Variants in PPP1R10 observed in about 807,000 individuals in gnomAD.
The protein encoded by PPP1R10 is serine/threonine-protein phosphatase 1 regulatory subunit 10.
A neutral mutation model predicts 99.0 loss-of-function variants in PPP1R10; 15 were observed. The observed-to-expected ratio is 0.15, with a 90% CI of 0.10 to 0.23. The LOEUF is 0.23. Ranked by LOEUF, PPP1R10 falls within the 10% of genes least tolerant of loss-of-function variation. PPP1R10 has a pLI of 1.00. For missense variants in PPP1R10, 947 were observed against 1,259.4 expected, an observed-to-expected ratio of 0.75 and a Z score of 3.75; for synonymous variants, 430 against 449.5, an observed-to-expected ratio of 0.96 and a Z score of 0.55.
chr6:30,605,083 G>C lies in PPP1R10; in HGVS notation c.865C>G (p.Leu289Val). Residue 289 changes from leucine (L) to valine (V), a missense_variant, in exon 11 of 20, where the codon CTG (leucine) becomes GTG (valine). Transcript: ENST00000376511. ...GAATTAAGAGCATCCAGAAAGCCCA[G>C]GCCCTCCATAGCTACAAAAAGAAAG... is the stretch of plus-strand genomic sequence containing the variant. ...KIIPPQPMEG[L>V]GFLDALNSAP... The C allele has an allele frequency of 1.2e-6, 2 of 1,612,838 alleles. No individual in the cohort carries two copies. The highest frequency in any genetic ancestry group is 1.7e-6 in the Non-Finnish European group (2 of 1,179,962).
At chr6:30,616,021 A>T (rs1391643311) in intron 2 of PPP1R10, among the ~76,000 whole-genome samples, 2 of 152,218 alleles carry the variant, frequency 1.3e-5, no homozygotes, top group East Asian at 3.8e-4. Flanking sequence ...TAATCTGGCA[A>T]ATTGAAAGGC....
Position 30,603,260 on chromosome 6 carries a change from T to C in PPP1R10, c.1793A>G (p.Glu598Gly). Reference sequence around the variant, plus strand: ...ATAGTCTGGTTGTTTCAGTAGTTCCTCTGAAGGATGACTGTTTGGGCTACC... The same window carrying C: ...ATAGTCTGGTTGTTTCAGTAGTTCCCCTGAAGGATGACTGTTTGGGCTACC... Reference protein sequence around the residue: ...IMGSPNSHPSEELLKQPDYSD... With the variant: ...IMGSPNSHPSGELLKQPDYSD... Residue 598 changes from glutamate to glycine, a missense_variant, in exon 17 of 20, where the codon GAG becomes GGG. By Grantham distance (98) the Glu-to-Gly change is moderately conservative. Transcript: ENST00000376511. The C allele has an allele frequency of 6.2e-7, 1 of 1,613,676 alleles. No homozygotes were observed. The highest frequency in any genetic ancestry group is 8.5e-7 in the Non-Finnish European group (1 of 1,179,636).
chr6:30,603,663 A>C lies in PPP1R10; in HGVS notation c.1576T>G (p.Cys526Gly). The change falls in exon 16 of 20, where the codon TGT (cysteine) becomes GGT (glycine). Residue 526 changes from cysteine (C) to glycine (G), a missense_variant. Transcript: ENST00000376511. ...PPKLIPLDEE[C>G]SMDETPYVET... ...ACATACGGAGTCTCATCCATGGAAC[A>C]CTCCTGAAAGAAGAACAAAAAAAAT... 3 of 1,585,748 alleles carry C rather than the reference A, an allele frequency of 1.9e-6. No individual in the cohort carries two copies. Among genetic ancestry groups the C allele is most frequent in the East Asian group, 2.2e-5 (1 of 44,542 alleles).
At chr6:30,616,118 A>G (rs1177708484) in intron 2 of PPP1R10, among the ~76,000 whole-genome samples, 1 of 152,178 alleles carries the variant, frequency 6.6e-6, no homozygotes, top group Non-Finnish European at 1.5e-5. Context: ...AACCCTTTTG[A>G]AGACTGCTGC....
At chr6:30,607,016 CT>C (rs1804022439) in intron 6 of PPP1R10, among the ~76,000 whole-genome samples, 160 bp from the exon 7 acceptor site, 1 of 152,224 alleles carries the variant, frequency 6.6e-6, no homozygotes, top group African/African-American at 2.4e-5. Flanking sequence ...AAACCAAACC[CT>C]TAAAAAATGG....
chr6:30,616,250 C>T (rs978938516), intron 2 of PPP1R10, among the ~76,000 whole-genome samples: 1 of 152,224 alleles, frequency 6.6e-6, no homozygotes, highest in African/African-American at 2.4e-5. Flanking sequence ...TCCCTCCACC[C>T]TCTCTTTGCC....
Position 30,604,408 on chromosome 6 carries a change from A to G in PPP1R10, c.1206T>C (p.Pro402=). The change falls in exon 13 of 20, where the codon CCT becomes CCC. Residue 402 remains proline, a synonymous_variant. Coordinates refer to ENST00000376511, the MANE Select transcript of PPP1R10 (RefSeq NM_002714.4). The surrounding 1 kb of genome is among the most constrained non-coding windows in gnomAD (Gnocchi z 7.3). The part of the protein sequence containing the change: ...KGRKRKSVTW[P]EEGKLREYFY... ...AATATTCTCTCAGTTTGCCTTCCTC[A>G]GGCCATGTCACACTTTTCCTCTTCC... is the stretch of plus-strand genomic sequence containing the variant. The G allele has an allele frequency of 6.2e-7, 1 of 1,613,828 alleles. No individual in the cohort carries two copies. The highest frequency in any genetic ancestry group is 8.5e-7 in the Non-Finnish European group (1 of 1,180,026).
intron 6 of PPP1R10, 93 bp downstream of exon 6, chr6:30,607,747 T>C (rs1241411037): frequency 7.2e-6 from 10 of 1,388,672 alleles, no homozygotes; most frequent in Non-Finnish European, 1.0e-5. Context: ...AAGAGAAAAG[T>C]GAAGGGACAA....
chr6:30,601,121 C>A lies in PPP1R10; in HGVS notation c.*428G>T. Reference sequence around the variant, plus strand: ...ACCCCATGAGGAATAATGAACTTAGCTGGGATGATTTCTTAAGTGCAGCTG... The same window carrying A: ...ACCCCATGAGGAATAATGAACTTAGATGGGATGATTTCTTAAGTGCAGCTG... On this transcript the variant is annotated 3_prime_UTR_variant, in exon 20 of 20. Coordinates refer to ENST00000376511, the MANE Select transcript of PPP1R10 (RefSeq NM_002714.4). 5.6e-6 allele frequency: 1 copy of A among 180,176 alleles called. No homozygotes were observed. Among genetic ancestry groups the A allele is most frequent in the Non-Finnish European group, 1.2e-5 (1 of 84,440 alleles). The allele number at this position is 180,176 out of a possible 1,614,324, so 11.2% of individuals were successfully genotyped here.
intron 2 of PPP1R10, among the ~76,000 whole-genome samples, chr6:30,613,833 C>T (rs1804799469): frequency 6.6e-6 from 1 of 152,132 alleles, no homozygotes; most frequent in Non-Finnish European, 1.5e-5. Context: ...GGAAGATATG[C>T]TGCAGAGGCA....
chr6:30,612,690 G>A (rs796895282), intron 2 of PPP1R10, among the ~76,000 whole-genome samples: 2 of 152,180 alleles, frequency 1.3e-5, no homozygotes, highest in African/African-American at 4.8e-5. Context: ...TTAAAATTAA[G>A]GACCCCAAGT....
In PPP1R10 at chr6:30,616,610, CTT is replaced by C. The variant is rs1760584294; in HGVS notation, c.-146_-145del. On this transcript the variant is annotated 5_prime_UTR_variant, in exon 2 of 20. Transcript: ENST00000376511. ...AGGGGGCCTCATTGGATCAAAAAGT[CTT>C]TTAAAAAATAAAGGCCAACTCAGTA... 6.6e-6 allele frequency: 1 copy of C among 152,080 alleles called. No homozygotes were observed. The highest frequency in any genetic ancestry group is 1.5e-5 in the Non-Finnish European group (1 of 68,020). The allele number at this position is 152,080 out of a possible 1,614,324, so 9.4% of individuals were successfully genotyped here.
At chr6:30,615,286 C>G (rs931000125) in intron 2 of PPP1R10, among the ~76,000 whole-genome samples, 4 of 149,082 alleles carry the variant, frequency 2.7e-5, no homozygotes, top group Non-Finnish European at 4.4e-5. Flanking sequence ...AATCTTTGAC[C>G]TATTTTGATC....
At position 30,604,683 on chromosome 6, in the gene PPP1R10, G is replaced by C; in HGVS notation, c.1007C>G (p.Ser336Cys). 6.2e-7 allele frequency: 1 copy of C among 1,613,152 alleles called. No individual in the cohort carries two copies. Among genetic ancestry groups the C allele is most frequent in the Non-Finnish European group, 8.5e-7 (1 of 1,180,038 alleles). The change falls in exon 12 of 20, where the codon TCT becomes TGT. Residue 336 changes from serine to cysteine, a missense_variant. Physicochemically the swap from Ser to Cys is moderately radical, Grantham distance 112 (BLOSUM62 -1). Coordinates refer to ENST00000376511, the MANE Select transcript of PPP1R10 (RefSeq NM_002714.4). This position sits in a 1 kb window ranked among gnomAD's most constrained non-coding sequence, Gnocchi z 7.3. ...TSTEPSTAKP[S>C]SPEPAPPSEA... is the part of the protein sequence containing the mutation. ...AGAAGGTGGTGCTGGTTCTGGGGAAGAAGGTTTGGCTGTGCTTGGTTCTGT... is the reference window on the plus strand; with the variant it reads ...AGAAGGTGGTGCTGGTTCTGGGGAACAAGGTTTGGCTGTGCTTGGTTCTGT...
At position 30,606,316 on chromosome 6, in the gene PPP1R10, C is replaced by G; in HGVS notation, c.635-73G>C. 1.3e-6 allele frequency: 2 copies of G among 1,578,412 alleles called. No homozygotes were observed. The highest frequency in any genetic ancestry group is 1.7e-6 in the Non-Finnish European group (2 of 1,154,612). On this transcript the variant is annotated intron_variant, in intron 8 of 19. Transcript: ENST00000376511. This position sits in a 1 kb window ranked among gnomAD's most constrained non-coding sequence, Gnocchi z 6.3. Reference sequence around the variant, plus strand: ...CCCGAATTTTCCTCCCGTTCTCACCCGCAAATGTTCTTCTAGCCTTGTAAC... The same window carrying G: ...CCCGAATTTTCCTCCCGTTCTCACCGGCAAATGTTCTTCTAGCCTTGTAAC...
chr6:30,613,529 G>C (rs1804764956), intron 2 of PPP1R10, among the ~76,000 whole-genome samples: 1 of 152,126 alleles, frequency 6.6e-6, no homozygotes, highest in Non-Finnish European at 1.5e-5. Flanking sequence ...CTTCCAAGTA[G>C]TAAGCCCCTA....
At position 30,604,809 on chromosome 6, in the gene PPP1R10, GCA is replaced by G. The variant is rs1182853858; in HGVS notation, c.955-76_955-75del. 4 of 1,592,240 alleles carry G rather than the reference GCA, an allele frequency of 2.5e-6. No individual in the cohort carries two copies. Among genetic ancestry groups the G allele is most frequent in the African/African-American group, 2.7e-5 (2 of 74,410 alleles). On this transcript the variant is annotated intron_variant, in intron 11 of 19. Transcript: ENST00000376511. This position sits in a 1 kb window ranked among gnomAD's most constrained non-coding sequence, Gnocchi z 7.3. ...CAAGGCAATTAGTCCAGGGTCCCAG[GCA>G]CAGTCCCCCAACAGTTCCTATATAA...
chr6:30,613,583 G>A (rs1031641331), intron 2 of PPP1R10, among the ~76,000 whole-genome samples: 1 of 152,088 alleles, frequency 6.6e-6, no homozygotes, highest in African/African-American at 2.4e-5. Flanking sequence ...CTCCTCAAAA[G>A]CTTATCTGCC....
chr6:30,615,814 C>T (rs1020868162), intron 2 of PPP1R10, among the ~76,000 whole-genome samples: 1 of 152,134 alleles, frequency 6.6e-6, no homozygotes, highest in African/African-American at 2.4e-5. Flanking sequence ...TATGTACTGG[C>T]ACTAAGATTA....
Sources: gnomAD v4.1 joint callset for allele counts (sites outside exome capture counted in the v4.1 genomes callset) on GRCh38, gnomAD v4.1.1 for gene constraint, Gnocchi (gnomAD v3.1) non-coding constraint, MANE v1.5 for transcripts, NCBI Gene and HGNC (gene_info 2026-07-23, HGNC 2026-07-21) for gene names.